MCM8: variants seen among roughly 807,000 people sequenced by gnomAD.
MCM8 encodes DNA helicase MCM8.
MCM8 carries 85 observed loss-of-function variants against 98.9 expected under a neutral mutation model. The ratio of observed to expected loss-of-function variants is 0.86; its 90% confidence interval spans 0.72 to 1.03. The LOEUF (loss-of-function observed/expected upper bound fraction) is 1.03. Among genes scored for constraint, MCM8 ranks in the 50% least tolerant of loss-of-function variants. MCM8 has a pLI of 0.00. For synonymous variants in MCM8, 352 were observed against 338.6 expected (o/e 1.04, Z -0.44); for missense variants, 951 against 997.8 (o/e 0.95, Z 0.63).
chr20:5,981,358 TC>T (rs990214998), intron 13 of MCM8, among the ~76,000 whole-genome samples: 6 of 152,118 alleles, frequency 3.9e-5, no homozygotes, highest in African/African-American at 1.4e-4. Context: ...GCTCACTATG[TC>T]CCAGAGCTCC....
intron 13 of MCM8, among the ~76,000 whole-genome samples, chr20:5,980,035 CT>C (rs538676953): frequency 9.4e-4 from 143 of 152,316 alleles, no homozygotes; most frequent in Non-Finnish European, 1.8e-3. Flanking sequence ...GGCCTTTGTA[CT>C]TACTGTTCTG....
Position 5,993,369 on chromosome 20 carries a change from A to C in MCM8, c.2241-137A>C, listed in dbSNP as rs889709599. ...ATAGTGAATTTCAGAGTGGCCCCTC[A>C]ATAAACACATGTTGAAATGTTTGCT... is the stretch of plus-strand genomic sequence containing the variant. On this transcript the variant is annotated intron_variant, in intron 17 of 18. Coordinates refer to ENST00000610722, the MANE Select transcript of MCM8 (RefSeq NM_032485.6). 1.9e-5 allele frequency: 10 copies of C among 534,522 alleles called. No individual in the cohort carries two copies. In the African/African-American group the frequency reaches 1.9e-4, roughly 10 times the overall value. 33.1% of individuals were successfully genotyped at this position (534,522 alleles called of 1,614,324 possible). A position where few individuals can be genotyped will look rare whatever the true frequency, so the allele number is the denominator to read the frequency against.
intron 1 of MCM8, 147 bp downstream of exon 1, chr20:5,951,170 G>A (rs188857543): frequency 7.9e-5 from 12 of 152,362 alleles, no homozygotes; most frequent in Admixed American, 7.8e-4. Context: ...TCTCGTTTGA[G>A]AAGGGTATGG....
intron 5 of MCM8, among the ~76,000 whole-genome samples, chr20:5,956,636 C>T (rs2088989469): frequency 6.6e-6 from 1 of 152,128 alleles, no homozygotes; most frequent in South Asian, 2.1e-4. Context: ...TCAGGGGATC[C>T]ACCCACTTTG....
chr20:5,991,084 C>T (rs2089841692), intron 17 of MCM8: 1 of 152,262 alleles, frequency 6.6e-6, no homozygotes, highest in Admixed American at 6.5e-5. Context: ...ACATTCTCCT[C>T]TTGAGGCTTT....
Position 5,963,365 on chromosome 20 carries a change from C to G in MCM8, c.875+6C>G, listed in dbSNP as rs776318897. 3 of 1,610,198 alleles carry G rather than the reference C, an allele frequency of 1.9e-6. No individual in the cohort carries two copies. The highest frequency in any genetic ancestry group is 2.5e-6 in the Non-Finnish European group (3 of 1,177,032). ...ATGGACTGGCAGTCAATCAAGTAAG[C>G]GATCAGACTGTTACATAAAAGGCAG... On this transcript the variant is annotated splice_donor_region_variant and intron_variant, in intron 8 of 18. Transcript: ENST00000610722.
intron 6 of MCM8, among the ~76,000 whole-genome samples, chr20:5,958,096 G>A (rs2089034288): frequency 6.6e-6 from 1 of 152,192 alleles, no homozygotes; most frequent in Non-Finnish European, 1.5e-5. Flanking sequence ...GGTTTGGCTG[G>A]GCACGGTGGC....
chr20:5,986,645 T>C (rs1387743220), intron 16 of MCM8, among the ~76,000 whole-genome samples: 1 of 152,222 alleles, frequency 6.6e-6, no homozygotes, highest in African/African-American at 2.4e-5. Context: ...AATTCTTCTT[T>C]GTTGTTTTAC....
intron 17 of MCM8, among the ~76,000 whole-genome samples, chr20:5,988,457 G>A (rs1325597553): frequency 6.7e-6 from 1 of 149,294 alleles, no homozygotes; most frequent in Admixed American, 6.7e-5. Flanking sequence ...GCAAGACTCT[G>A]TCTCAAAAAA....
chr20:5,977,561 A>G (rs2089538154), intron 12 of MCM8, among the ~76,000 whole-genome samples: 2 of 152,224 alleles, frequency 1.3e-5, no homozygotes, highest in South Asian at 4.1e-4. Flanking sequence ...TCGAACTTGA[A>G]AATGAAGCAT....
intron 10 of MCM8, among the ~76,000 whole-genome samples, chr20:5,970,040 G>A (rs1212938075): frequency 4.6e-5 from 7 of 152,134 alleles, no homozygotes; most frequent in African/African-American, 1.7e-4. Flanking sequence ...ATCAAAACTA[G>A]AATTTTTCAT....
In MCM8 at chr20:5,986,038, A is replaced by G. The variant is rs766150284; in HGVS notation, c.2070A>G (p.Gln690=). 3 of 1,614,090 alleles carry G rather than the reference A, an allele frequency of 1.9e-6. No homozygotes were observed. Among genetic ancestry groups the G allele is most frequent in the African/African-American group, 2.7e-5 (2 of 74,922 alleles). Residue 690 remains glutamine, a synonymous_variant, in exon 16 of 19, where the codon CAA becomes CAG. Coordinates refer to ENST00000610722, the MANE Select transcript of MCM8 (RefSeq NM_032485.6). ...RLSTEAARVL[Q]DFYLELRKQS... is the part of the protein sequence containing the mutation. ...CCACAGAAGCTGCTCGAGTTCTTCA[A>G]GATTTTTACCTTGAGCTCCGGAAAC...
chr20:5,979,801 A>C (rs1442400340), intron 13 of MCM8, among the ~76,000 whole-genome samples: 1 of 152,190 alleles, frequency 6.6e-6, no homozygotes, highest in Non-Finnish European at 1.5e-5. Context: ...AATCTCATTA[A>C]AAATTAGATT....
intron 6 of MCM8, 70 bp from the exon 7 acceptor site, chr20:5,958,458 T>C (rs2089045021): frequency 6.9e-6 from 8 of 1,152,702 alleles, no homozygotes; most frequent in Non-Finnish European, 1.0e-5. Flanking sequence ...CCATAGTTGC[T>C]CCTAAAAGGA....
chr20:5,957,295 A>T, intron 6 of MCM8, 66 bp downstream of exon 6: 12 of 1,190,250 alleles, frequency 1.0e-5, no homozygotes, highest in Non-Finnish European at 1.4e-5. Context: ...AAGAATGAAA[A>T]CGCTCATTTT....
Position 5,984,765 on chromosome 20 carries a change from C to CT in MCM8, c.1734-13dup. ...TGATTCCAATCATTGTTTCTTCTTT[C>CT]TTTCATCCTTCATAGAATGGGGAGT... On this transcript the variant is annotated splice_polypyrimidine_tract_variant and intron_variant, in intron 14 of 18. Coordinates refer to ENST00000610722, the MANE Select transcript of MCM8 (RefSeq NM_032485.6). 6.4e-7 allele frequency: 1 copy of CT among 1,572,110 alleles called. No individual in the cohort carries two copies. The highest frequency in any genetic ancestry group is 8.7e-7 in the Non-Finnish European group (1 of 1,147,212).
intron 12 of MCM8, among the ~76,000 whole-genome samples, chr20:5,975,276 A>G (rs2089485180): frequency 6.6e-6 from 1 of 151,652 alleles, no homozygotes; most frequent in Non-Finnish European, 1.5e-5. Flanking sequence ...AAAAAAAAAG[A>G]AAACATTATG....
At chr20:5,986,936 C>A (rs2089746150) in intron 16 of MCM8, among the ~76,000 whole-genome samples, 1 of 152,156 alleles carries the variant, frequency 6.6e-6, no homozygotes, top group South Asian at 2.1e-4. Flanking sequence ...AGGGATCCTC[C>A]CACCTCAGCT....
At position 5,995,933 on chromosome 20, in the gene MCM8, G is replaced by C. The variant is rs1287859540; in HGVS notation, c.*1542G>C. 2 of 152,184 alleles carry C rather than the reference G, an allele frequency of 1.3e-5. No homozygotes were observed. The highest frequency in any genetic ancestry group is 2.9e-5 in the Non-Finnish European group (2 of 68,040). The allele number at this position is 152,184 out of a possible 1,614,324, so 9.4% of individuals were successfully genotyped here. ...ACTATAGGACCAGAACTAAGATGTG[G>C]AGACTATTGCCATAGACCACAATGT... On this transcript the variant is annotated 3_prime_UTR_variant, in exon 19 of 19. Coordinates refer to ENST00000610722, the MANE Select transcript of MCM8 (RefSeq NM_032485.6).
Sources: allele counts gnomAD v4.1 joint callset (sites outside exome capture counted in the v4.1 genomes callset), GRCh38; gene constraint gnomAD v4.1.1; transcripts MANE v1.5; gene names NCBI Gene and HGNC (gene_info 2026-07-23, HGNC 2026-07-21).